Variants in PTPN13 observed in about 807,000 individuals in gnomAD.
PTPN13 encodes tyrosine-protein phosphatase non-receptor type 13.
A neutral mutation model predicts 284.0 loss-of-function variants in PTPN13; 191 were observed. The ratio of observed to expected loss-of-function variants is 0.67; its 90% CI spans 0.60 to 0.76. The LOEUF is 0.76. Ranked by LOEUF, PTPN13 falls within the 30% of genes least tolerant of loss-of-function variation. The probability of loss-of-function intolerance (pLI) is 0.00; values close to 1 mark genes in which losing one functional copy is unlikely to be tolerated. For synonymous variants in PTPN13, 986 were observed against 1,022.3 expected (o/e 0.96, Z 0.68); for missense variants, 2,797 against 2,939.9 (o/e 0.95, Z 1.12).
intron 1 of PTPN13, among the ~76,000 whole-genome samples, chr4:86,611,242 A>T (rs1043268178): frequency 3.3e-5 from 5 of 152,210 alleles, no homozygotes; most frequent in African/African-American, 1.2e-4. Context: ...ACTTCCAGAC[A>T]TTCTTCCCCA....
chr4:86,743,397 CAGTG>C (rs35359584), intron 16 of PTPN13, among the ~76,000 whole-genome samples: 12,369 of 151,964 alleles, frequency 0.081, 629 homozygotes, highest in Non-Finnish European at 0.11. Context: ...ATGCTTGAAT[CAGTG>C]AGAGAGTTTT....
intron 1 of PTPN13, among the ~76,000 whole-genome samples, chr4:86,614,401 A>C (rs550251568): frequency 3.8e-4 from 58 of 152,194 alleles, no homozygotes; most frequent in Non-Finnish European, 7.8e-4. Flanking sequence ...CAAATTGATA[A>C]GATACTATTC....
chr4:86,765,395 G>A lies in PTPN13; in HGVS notation c.4150G>A (p.Gly1384Arg). The change falls in exon 26 of 48, where the codon GGA (glycine) becomes AGA (arginine). Residue 1384 changes from glycine (G) to arginine (R), a missense_variant and splice_region_variant. Transcript: ENST00000411767. ...NDNSLGISVT[G>R]GVNTSVRHGG... ...TATTATTTTGTCTTTTTCTCTTTAG[G>A]GAGGTGTGAATACGAGTGTCAGACA... 1 of 1,592,610 alleles carries A rather than the reference G, an allele frequency of 6.3e-7. No individual in the cohort carries two copies. The highest frequency in any genetic ancestry group is 8.6e-7 in the Non-Finnish European group (1 of 1,168,248).
At chr4:86,745,793 G>T (rs1474035927) in intron 17 of PTPN13, among the ~76,000 whole-genome samples, 1 of 151,962 alleles carries the variant, frequency 6.6e-6, no homozygotes, top group African/African-American at 2.4e-5. Flanking sequence ...AAAAATTCAG[G>T]ATTTGAAGAA....
intron 23 of PTPN13, among the ~76,000 whole-genome samples, chr4:86,760,155 A>G (rs1018896638): frequency 6.6e-6 from 1 of 152,190 alleles, no homozygotes; most frequent in African/African-American, 2.4e-5. Context: ...GTACACATAT[A>G]AATAATATGT....
Position 86,741,733 on chromosome 4 carries a change from G to A in PTPN13, c.2404G>A (p.Val802Ile), listed in dbSNP as rs376444587. The change falls in exon 16 of 48, where the codon GTC becomes ATC. Residue 802 changes from valine (V) to isoleucine (I), a missense_variant. Val to Ile is a conservative substitution (Grantham distance 29). Coordinates refer to ENST00000411767, the MANE Select transcript of PTPN13 (RefSeq NM_080683.3). The part of the protein sequence containing the change: ...GILLGVCSKG[V>I]LVFEVHNGVR... ...ATTGCTTGGAGTCTGTTCTAAAGGT[G>A]TCCTTGTGTTTGAAGTTCACAATGG... 2.0e-5 allele frequency: 32 copies of A among 1,613,368 alleles called. No homozygotes were observed. In the African/African-American group the frequency reaches 3.6e-4, roughly 18 times the overall value.
intron 1 of PTPN13, among the ~76,000 whole-genome samples, chr4:86,624,315 C>A (rs1015232125): frequency 2.0e-5 from 3 of 151,884 alleles, no homozygotes; most frequent in African/African-American, 7.3e-5. Flanking sequence ...TAAATGCAAC[C>A]AAGAAAAAGC....
intron 47 of PTPN13, among the ~76,000 whole-genome samples, chr4:86,813,705 A>C (rs1198571963): frequency 6.6e-6 from 1 of 152,146 alleles, no homozygotes; most frequent in Admixed American, 6.5e-5. Context: ...GGCATGAACC[A>C]CCATGCCTGG....
chr4:86,743,808 A>T (rs916506274), intron 16 of PTPN13, among the ~76,000 whole-genome samples: 1 of 152,214 alleles, frequency 6.6e-6, no homozygotes, highest in African/African-American at 2.4e-5. Context: ...TTGAAAGCCT[A>T]CTAAATTTGG....
intron 41 of PTPN13, 112 bp downstream of exon 41, chr4:86,797,041 A>G: frequency 1.3e-6 from 1 of 762,040 alleles, no homozygotes; most frequent in Non-Finnish European, 2.0e-6. Context: ...AGATTATAAA[A>G]CTATGGTTGA....
intron 2 of PTPN13, among the ~76,000 whole-genome samples, chr4:86,660,330 G>A (rs1452858601): frequency 6.6e-6 from 1 of 151,008 alleles, no homozygotes; most frequent in Non-Finnish European, 1.5e-5. Flanking sequence ...AAACAAAGGA[G>A]AATAAGTAAC....
At chr4:86,600,415 T>A (rs1764196240) in intron 1 of PTPN13, among the ~76,000 whole-genome samples, 1 of 150,566 alleles carries the variant, frequency 6.6e-6, no homozygotes, top group Non-Finnish European at 1.5e-5. Context: ...ATGGTATTTT[T>A]TTTTTTTACA....
intron 1 of PTPN13, among the ~76,000 whole-genome samples, chr4:86,621,512 A>G (rs1578269027): frequency 1.3e-5 from 2 of 152,180 alleles, no homozygotes; most frequent in African/African-American, 4.8e-5. Flanking sequence ...TTTGAATGCA[A>G]AACTGTACTT....
At chr4:86,662,634 T>C (rs747766833) in intron 2 of PTPN13, among the ~76,000 whole-genome samples, 2 of 152,212 alleles carry the variant, frequency 1.3e-5, no homozygotes, top group Non-Finnish European at 2.9e-5. Context: ...CCAGCTGTTA[T>C]ATTTTTAAAA....
chr4:86,606,729 A>G (rs935986899), intron 1 of PTPN13, among the ~76,000 whole-genome samples: 1 of 151,820 alleles, frequency 6.6e-6, no homozygotes, highest in African/African-American at 2.4e-5. Context: ...TTAATTCTTG[A>G]AATAACATAA....
intron 47 of PTPN13, 97 bp downstream of exon 47, chr4:86,811,205 A>G (rs1437499847): frequency 3.4e-6 from 4 of 1,186,514 alleles, no homozygotes; most frequent in African/African-American, 3.1e-5. Flanking sequence ...GAGAGTTCCC[A>G]TGTTAGAGCA....
chr4:86,656,512 G>C (rs1725828921), intron 2 of PTPN13, among the ~76,000 whole-genome samples: 1 of 152,226 alleles, frequency 6.6e-6, no homozygotes, highest in Admixed American at 6.5e-5. Context: ...GTCCACTCCA[G>C]ACCCTGTTTG....
intron 17 of PTPN13, among the ~76,000 whole-genome samples, chr4:86,748,999 GT>G (rs1737097152): frequency 6.6e-6 from 1 of 152,090 alleles, no homozygotes; most frequent in Non-Finnish European, 1.5e-5. Context: ...AAAAGTCTTT[GT>G]TTTTTAAGGT....
intron 2 of PTPN13, chr4:86,661,203 G>C: frequency 2.6e-6 from 1 of 379,142 alleles, no homozygotes; most frequent in South Asian, 1.9e-5. Context: ...GATAATATTT[G>C]CCTGGTTTTG....
Sources: allele counts gnomAD v4.1 joint callset (sites outside exome capture counted in the v4.1 genomes callset), GRCh38; gene constraint gnomAD v4.1.1; transcripts MANE v1.5; gene names NCBI Gene and HGNC (gene_info 2026-07-23, HGNC 2026-07-21).